USP4: variants seen among roughly 807,000 people sequenced by gnomAD.
The protein encoded by USP4 is ubiquitin carboxyl-terminal hydrolase 4.
In USP4, 72 loss-of-function variants were observed where a neutral mutation model predicts 118.2. The observed-to-expected ratio is 0.61, with a 90% confidence interval of 0.50 to 0.74. The LOEUF is 0.74. Among genes scored for constraint, USP4 ranks in the 30% least tolerant of loss-of-function variants. The pLI is 0.00. For synonymous variants in USP4, 415 were observed against 440.4 expected (o/e 0.94, Z 0.72); for missense variants, 1,037 against 1,185.7 (o/e 0.87, Z 1.84).
chr3:49,334,281 C>G (rs532253760), intron 2 of USP4, among the ~76,000 whole-genome samples: 1 of 152,208 alleles, frequency 6.6e-6, no homozygotes, highest in South Asian at 2.1e-4. Flanking sequence ...TAAGAATTCT[C>G]CATTTCATAA....
intron 6 of USP4, chr3:49,311,907 C>T: frequency 3.4e-6 from 4 of 1,159,542 alleles, no homozygotes; most frequent in South Asian, 2.0e-5. Context: ...GCTGACCAGG[C>T]GCAGTGGCTC....
At chr3:49,287,349 G>A (rs12493284) in intron 15 of USP4, among the ~76,000 whole-genome samples, 83,796 of 151,494 alleles carry the variant, frequency 0.55, 24,532 homozygotes, top group East Asian at 0.95. Context: ...AGAGACAAGG[G>A]TTCACCATGT....
At position 49,280,746 on chromosome 3, in the gene USP4, T is replaced by A. The variant is rs759636745; in HGVS notation, c.2642A>T (p.His881Leu). Residue 881 changes from histidine to leucine, a missense_variant and splice_region_variant, in exon 20 of 22, where the codon CAC becomes CTC. His to Leu is a moderately conservative substitution (Grantham distance 99). This residue lies in a region of USP4 where 522 missense variants were observed against 592.6 expected (regional missense o/e 0.88). Coordinates refer to ENST00000265560, the MANE Select transcript of USP4 (RefSeq NM_003363.4). ...SNHYGAMGVGHYTAYAKNKLN... is the reference protein window; with the variant it reads ...SNHYGAMGVGLYTAYAKNKLN... ...AGGAAGCAGATGTCAATACTTACAG[T>A]GGCCAACCCCCATGGCTCCATAATG... 1.2e-6 allele frequency: 2 copies of A among 1,613,668 alleles called. No homozygotes were observed. The highest frequency in any genetic ancestry group is 1.7e-6 in the Non-Finnish European group (2 of 1,179,772).
intron 15 of USP4, among the ~76,000 whole-genome samples, chr3:49,288,461 G>A (rs1220288131): frequency 6.6e-6 from 1 of 152,158 alleles, no homozygotes; most frequent in Non-Finnish European, 1.5e-5. Context: ...GATCACCTGA[G>A]GTCAGGAGTT....
At chr3:49,318,390 A>C (rs1364773398) in intron 6 of USP4, 3 of 985,510 alleles carry the variant, frequency 3.0e-6, no homozygotes, top group Non-Finnish European at 3.6e-6. Context: ...CAGGGACACC[A>C]ATCTCTTCTG....
intron 8 of USP4, among the ~76,000 whole-genome samples, chr3:49,307,454 A>T (rs545103273): frequency 3.4e-4 from 51 of 151,734 alleles, no homozygotes; most frequent in African/African-American, 8.9e-4. Context: ...TCTTTAAAAA[A>T]TTTTTTTTTA....
chr3:49,330,489 G>A (rs866172383), intron 2 of USP4, among the ~76,000 whole-genome samples: 10 of 151,556 alleles, frequency 6.6e-5, no homozygotes, highest in East Asian at 4.0e-4. Flanking sequence ...CACCACACCC[G>A]GTTAATTTTG....
intron 1 of USP4, 51 bp downstream of exon 1, chr3:49,339,871 CCT>C: frequency 6.6e-7 from 1 of 1,504,938 alleles, no homozygotes; most frequent in South Asian, 1.1e-5. Context: ...AAAGGAGGCC[CCT>C]TTTTCTCGGC....
rs2046979622 is a variant in USP4, at chr3:49,277,907, A to G, written c.*386T>C. ...TTGGGGTGACTAGTATTGGCATCAG[A>G]ACCAGAAATCCAGGCGCTCAGGGCA... On this transcript the variant is annotated 3_prime_UTR_variant, in exon 22 of 22. Transcript: ENST00000265560. 2.6e-6 allele frequency: 1 copy of G among 388,784 alleles called. No homozygotes were observed. Among genetic ancestry groups the G allele is most frequent in the Non-Finnish European group, 4.5e-6 (1 of 220,892 alleles). 24.1% of individuals were successfully genotyped at this position (388,784 alleles called of 1,614,324 possible).
chr3:49,333,956 T>C (rs1306287203), intron 2 of USP4, among the ~76,000 whole-genome samples: 1 of 151,550 alleles, frequency 6.6e-6, no homozygotes, highest in Admixed American at 6.6e-5. Flanking sequence ...GAGGTGGAGG[T>C]TGCCATGAGC....
chr3:49,284,273 A>T, intron 18 of USP4, 137 bp from the exon 19 acceptor site: 1 of 1,281,174 alleles, frequency 7.8e-7, no homozygotes, highest in Non-Finnish European at 1.1e-6. Flanking sequence ...GCTTCTGGCC[A>T]GGGACCTGTC....
intron 9 of USP4, among the ~76,000 whole-genome samples, chr3:49,304,952 C>T (rs1172506025): frequency 1.3e-5 from 2 of 151,474 alleles, no homozygotes; most frequent in Admixed American, 6.6e-5. Flanking sequence ...TTGGTAGAGA[C>T]GGGGTTTCAC....
chr3:49,334,100 C>A (rs1012311907), intron 2 of USP4, among the ~76,000 whole-genome samples: 1 of 151,988 alleles, frequency 6.6e-6, no homozygotes, highest in African/African-American at 2.4e-5. Context: ...TGAGAATTAC[C>A]AAAATGTGGT....
chr3:49,332,513 A>G (rs571148756), intron 2 of USP4, among the ~76,000 whole-genome samples: 1 of 151,894 alleles, frequency 6.6e-6, no homozygotes, highest in East Asian at 1.9e-4. Context: ...AAAGAGGTAG[A>G]TGGCATCTTC....
chr3:49,304,580 C>A (rs187445666), intron 9 of USP4, among the ~76,000 whole-genome samples: 5 of 152,084 alleles, frequency 3.3e-5, no homozygotes, highest in African/African-American at 1.2e-4. Context: ...TCAGATGATA[C>A]TAGAAATTAA....
chr3:49,293,128 G>A (rs1052607613), intron 14 of USP4, among the ~76,000 whole-genome samples: 2 of 151,328 alleles, frequency 1.3e-5, no homozygotes, highest in African/African-American at 2.4e-5. Context: ...CTGTAATGCC[G>A]GCACTTTGGG....
intron 8 of USP4, among the ~76,000 whole-genome samples, chr3:49,310,034 C>T (rs1185526007): frequency 5.9e-5 from 8 of 135,238 alleles, no homozygotes; most frequent in Admixed American, 1.7e-4. Context: ...CTGCAACCTC[C>T]GCCTCCCAGG....
chr3:49,294,863 C>T (rs1198946972), intron 13 of USP4, among the ~76,000 whole-genome samples: 1 of 152,176 alleles, frequency 6.6e-6, no homozygotes, highest in Non-Finnish European at 1.5e-5. Context: ...CGGCCTCAAA[C>T]TCTGTGGTCC....
At position 49,283,390 on chromosome 3, in the gene USP4, AG is replaced by A. The variant is rs370645872; in HGVS notation, c.2540+596del. On this transcript the variant is annotated intron_variant, in intron 19 of 21. Coordinates refer to ENST00000265560, the MANE Select transcript of USP4 (RefSeq NM_003363.4). ...TTGTCCAGGCTGGTTTTGAACTCCT[AG>A]GCTCAAGTGATCCTCCCACCTTGGC... Among the ~76,000 whole-genome samples the A allele has an allele frequency of 1.2e-4, 18 of 151,092 alleles. No homozygotes were observed. In the East Asian group the frequency reaches 2.6e-3, roughly 22 times the overall value.
Sources: allele counts gnomAD v4.1 joint callset (sites outside exome capture counted in the v4.1 genomes callset), GRCh38; gene constraint gnomAD v4.1.1; regional missense constraint gnomAD v4.1.1; transcripts MANE v1.5; gene names NCBI Gene and HGNC (gene_info 2026-07-23, HGNC 2026-07-21).